TNS3: variants seen among roughly 807,000 people sequenced by gnomAD.
The protein encoded by TNS3 is tensin 3.
Under a neutral mutation model 140.9 loss-of-function variants are expected in TNS3, and 45 were observed. That is an observed-to-expected ratio of 0.32 (90% confidence interval 0.25 to 0.41). The LOEUF (loss-of-function observed/expected upper bound fraction) is 0.41. Ranked by LOEUF, TNS3 falls within the 10% of genes least tolerant of loss-of-function variation. The probability of loss-of-function intolerance (pLI) is 1.00; values close to 1 mark genes in which losing one functional copy is unlikely to be tolerated. For missense variants in TNS3, 1,716 were observed against 1,906.7 expected (o/e 0.90, Z 1.86); for synonymous variants, 815 against 788.4 (o/e 1.03, Z -0.56).
chr7:47,286,351 A>C (rs993555563), intron 27 of TNS3, among the ~76,000 whole-genome samples: 3 of 152,112 alleles, frequency 2.0e-5, no homozygotes, highest in Non-Finnish European at 4.4e-5. Flanking sequence ...CAGAGAAGAA[A>C]ATGCTGCCAC....
intron 28 of TNS3, among the ~76,000 whole-genome samples, chr7:47,283,247 C>A (rs532238374): frequency 9.2e-5 from 14 of 152,240 alleles, no homozygotes; most frequent in African/African-American, 3.1e-4. Flanking sequence ...ACAGCTCAGG[C>A]GTAAGTCATT....
Position 47,525,743 on chromosome 7 carries a change from A to G in TNS3, c.-153+3293T>C, listed in dbSNP as rs1233603773. 2.6e-5 allele frequency among the ~76,000 whole-genome samples: 4 copies of G among 152,284 alleles called. No individual in the cohort carries two copies. The South Asian group carries it at 8.3e-4, about 32-fold the overall frequency. ...AGGTGTGTGCACTGCTTGTCCTCAT[A>G]TGCATGAACTCAATCATGCATGCAT... is the stretch of plus-strand genomic sequence containing the variant. On this transcript the variant is annotated intron_variant, in intron 2 of 30. Coordinates refer to ENST00000311160, the MANE Select transcript of TNS3 (RefSeq NM_022748.12).
intron 24 of TNS3, among the ~76,000 whole-genome samples, chr7:47,294,558 G>A (rs1448435065): frequency 6.6e-6 from 1 of 152,174 alleles, no homozygotes; most frequent in Non-Finnish European, 1.5e-5. Context: ...CTGGGATCCA[G>A]TGCTTCCTTC....
At chr7:47,487,524 A>C (rs950673381) in intron 3 of TNS3, among the ~76,000 whole-genome samples, 1 of 152,110 alleles carries the variant, frequency 6.6e-6, no homozygotes, top group Non-Finnish European at 1.5e-5. Flanking sequence ...CAGCTCAACA[A>C]TACCAACCCA....
chr7:47,390,223 G>A (rs1367618939), intron 16 of TNS3, among the ~76,000 whole-genome samples: 3 of 152,224 alleles, frequency 2.0e-5, no homozygotes, highest in African/African-American at 7.2e-5. Context: ...CACTAAAGTT[G>A]TCAAAGTTTA....
intron 15 of TNS3, among the ~76,000 whole-genome samples, chr7:47,398,570 A>T (rs1792966026): frequency 6.6e-6 from 1 of 152,212 alleles, no homozygotes; most frequent in Non-Finnish European, 1.5e-5. Context: ...TAAAAACAAA[A>T]ACCATATGTC....
intron 17 of TNS3, among the ~76,000 whole-genome samples, chr7:47,354,032 CAA>C (rs3029444): frequency 1.1e-4 from 16 of 142,334 alleles, no homozygotes; most frequent in African/African-American, 3.6e-4. Context: ...CACACACACA[CAA>C]ATTCCAAGGT....
chr7:47,347,528 C>T (rs1161173768), intron 17 of TNS3, among the ~76,000 whole-genome samples: 1 of 151,954 alleles, frequency 6.6e-6, no homozygotes, highest in Non-Finnish European at 1.5e-5. Context: ...CATGGGGGGG[C>T]TCCACTGCCC....
intron 4 of TNS3, among the ~76,000 whole-genome samples, chr7:47,460,540 G>A (rs1196670136): frequency 1.3e-5 from 2 of 152,172 alleles, no homozygotes; most frequent in African/African-American, 2.4e-5. Context: ...TCCCAGGATG[G>A]GCAGGTGGCC....
chr7:47,381,575 C>A (rs912993884), intron 16 of TNS3, among the ~76,000 whole-genome samples: 1 of 152,162 alleles, frequency 6.6e-6, no homozygotes, highest in Non-Finnish European at 1.5e-5. Context: ...ACAATGGAAA[C>A]CCTTTTAAAA....
At chr7:47,413,251 C>CTTTTT (rs71003398) in intron 12 of TNS3, among the ~76,000 whole-genome samples, 17 of 52,948 alleles carry the variant, frequency 3.2e-4, no homozygotes, top group African/African-American at 4.5e-4. Flanking sequence ...CAAGCCTGGC[C>CTTTTT]TTTTTTTTTT....
chr7:47,478,947 A>ACG (rs546609745), intron 4 of TNS3, among the ~76,000 whole-genome samples: 2,793 of 151,838 alleles, frequency 0.018, 81 homozygotes, highest in African/African-American at 0.063. Context: ...ATACACACAC[A>ACG]CACACACAGA....
intron 4 of TNS3, among the ~76,000 whole-genome samples, chr7:47,454,818 C>A (rs964469872): frequency 6.6e-6 from 1 of 152,188 alleles, no homozygotes; most frequent in African/African-American, 2.4e-5. Flanking sequence ...GCAAGGGCGG[C>A]CTGGGAGGGA....
chr7:47,558,752 C>G (rs1052492092), intron 1 of TNS3, among the ~76,000 whole-genome samples: 7 of 152,202 alleles, frequency 4.6e-5, no homozygotes, highest in Non-Finnish European at 8.8e-5. Context: ...CAGGGTCCCA[C>G]TCTCCCACAC....
intron 18 of TNS3, among the ~76,000 whole-genome samples, chr7:47,345,267 T>G (rs1327827300): frequency 6.6e-6 from 1 of 152,212 alleles, no homozygotes; most frequent in Non-Finnish European, 1.5e-5. Flanking sequence ...ACGGAAGGTA[T>G]CTTACGGCCC....
intron 5 of TNS3, among the ~76,000 whole-genome samples, chr7:47,441,504 T>C (rs1399383491): frequency 6.6e-6 from 1 of 152,238 alleles, no homozygotes; most frequent in East Asian, 1.9e-4. Context: ...GGTTGATTTG[T>C]TCAAATCAGC....
intron 20 of TNS3, among the ~76,000 whole-genome samples, chr7:47,308,225 C>A (rs922666334): frequency 6.6e-6 from 1 of 152,106 alleles, no homozygotes; most frequent in Non-Finnish European, 1.5e-5. Context: ...CATTGAATTG[C>A]TTTTGTAATT....
intron 1 of TNS3, among the ~76,000 whole-genome samples, chr7:47,536,222 G>C (rs900639018): frequency 9.2e-5 from 14 of 152,218 alleles, no homozygotes; most frequent in African/African-American, 3.4e-4. Flanking sequence ...AATTTTGACA[G>C]TTTTTCACCC....
chr7:47,463,537 C>G (rs1324860544), intron 4 of TNS3, among the ~76,000 whole-genome samples: 12 of 152,136 alleles, frequency 7.9e-5, no homozygotes, highest in Non-Finnish European at 1.3e-4. Flanking sequence ...TGCGCTTTCT[C>G]CACCAGGCAC....
Sources: allele counts gnomAD v4.1 joint callset (sites outside exome capture counted in the v4.1 genomes callset), GRCh38; gene constraint gnomAD v4.1.1; transcripts MANE v1.5; gene names NCBI Gene and HGNC (gene_info 2026-07-23, HGNC 2026-07-21).